MACROD2: variants seen among roughly 807,000 people sequenced by gnomAD.
MACROD2 encodes the protein mono-ADP ribosylhydrolase 2.
Under a neutral mutation model 70.4 loss-of-function variants are expected in MACROD2, and 36 were observed. The observed-to-expected ratio is 0.51, with a 90% CI of 0.39 to 0.68. The LOEUF (loss-of-function observed/expected upper bound fraction) is 0.68, where lower values mean the gene tolerates loss of function less well. Ranked by LOEUF, MACROD2 falls within the 30% of genes least tolerant of loss-of-function variation. The probability of loss-of-function intolerance (pLI) is 0.00; values close to 1 mark genes in which losing one functional copy is unlikely to be tolerated. For synonymous variants in MACROD2, 172 were observed against 178.8 expected (o/e 0.96, Z 0.30); for missense variants, 496 against 538.4 (o/e 0.92, Z 0.78).
rs530013573 is a variant in MACROD2 at position 14,438,728 on chromosome 20, C to T, written c.272-54751C>T. On this transcript the variant is annotated intron_variant, in intron 3 of 17. Transcript: ENST00000684519. Reference sequence around the variant, plus strand: ...TGTCATCTTTGGAGAAATGCATATTCAAGTTCTTCGCCCATTTTAAAATTG... The same window carrying T: ...TGTCATCTTTGGAGAAATGCATATTTAAGTTCTTCGCCCATTTTAAAATTG... 2.0e-5 allele frequency among the ~76,000 whole-genome samples: 3 copies of T among 152,252 alleles called. No homozygotes were observed. The East Asian group carries it at 5.8e-4, about 29-fold the overall frequency.
At chr20:14,448,570 A>C (rs1173225057) in intron 3 of MACROD2, among the ~76,000 whole-genome samples, 1 of 151,846 alleles carries the variant, frequency 6.6e-6, no homozygotes, top group Non-Finnish European at 1.5e-5. Flanking sequence ...CCAGCTACTC[A>C]GGAGGCTGAT....
At chr20:14,340,997 C>G (rs572978255) in intron 3 of MACROD2, among the ~76,000 whole-genome samples, 8 of 152,244 alleles carry the variant, frequency 5.3e-5, no homozygotes, top group African/African-American at 1.9e-4. Context: ...CACACAGAAG[C>G]CTCAAATCTG....
chr20:14,324,065 A>C (rs1391172782), intron 3 of MACROD2: 1 of 152,538 alleles, frequency 6.6e-6, no homozygotes, highest in Non-Finnish European at 1.5e-5. Context: ...TTTAGGACTA[A>C]TGTGCTGGGC....
At chr20:15,695,055 C>T (rs2050347622) in intron 8 of MACROD2, among the ~76,000 whole-genome samples, 1 of 152,174 alleles carries the variant, frequency 6.6e-6, no homozygotes, top group African/African-American at 2.4e-5. Context: ...TATGGGTTCT[C>T]TATTCCGTTC....
At chr20:16,017,620 T>A (rs765109423) in intron 15 of MACROD2, among the ~76,000 whole-genome samples, 4 of 152,182 alleles carry the variant, frequency 2.6e-5, no homozygotes, top group Non-Finnish European at 4.4e-5. Context: ...TCTTTTCACC[T>A]CCTTGAATAA....
At chr20:14,617,827 C>T (rs1483571087) in intron 4 of MACROD2, among the ~76,000 whole-genome samples, 5 of 152,056 alleles carry the variant, frequency 3.3e-5, no homozygotes, top group Non-Finnish European at 5.9e-5. Context: ...TTAGAGAGCA[C>T]CTTTTCCAAA....
chr20:16,018,710 T>C (rs1342274849), intron 15 of MACROD2, among the ~76,000 whole-genome samples: 1 of 152,186 alleles, frequency 6.6e-6, no homozygotes, highest in Non-Finnish European at 1.5e-5. Flanking sequence ...CTCAATTATT[T>C]CCAGTTTTCC....
chr20:15,067,314 A>C, intron 5 of MACROD2, among the ~76,000 whole-genome samples: 1 of 152,034 alleles, frequency 6.6e-6, no homozygotes, highest in Non-Finnish European at 1.5e-5. Context: ...AAAATAATTG[A>C]TTTTGATATT....
At chr20:14,223,294 G>A (rs909475159) in intron 3 of MACROD2, 1 of 152,174 alleles carries the variant, frequency 6.6e-6, no homozygotes, top group African/African-American at 2.4e-5. Flanking sequence ...ACAGTCTTGA[G>A]GAATCACACA....
At chr20:15,863,659 C>T (rs371161216) in intron 9 of MACROD2, among the ~76,000 whole-genome samples, 5 of 152,266 alleles carry the variant, frequency 3.3e-5, no homozygotes, top group East Asian at 1.9e-4. Flanking sequence ...TTTCTGTCTC[C>T]GTCTGAAGTA....
rs555477275 is a variant in MACROD2, at chr20:15,289,686, G to A, written c.540+59625G>A. On this transcript the variant is annotated intron_variant, in intron 6 of 17. Coordinates refer to ENST00000684519, the MANE Select transcript of MACROD2 (RefSeq NM_001351661.2). ...TCTGTGAGATTGGTGATATTGATCA[G>A]ATGAATAATATATATCAAATGTGTA... is the stretch of plus-strand genomic sequence containing the variant. Among the ~76,000 whole-genome samples the A allele has an allele frequency of 8.5e-5, 13 of 152,268 alleles. No individual in the cohort carries two copies. In the South Asian group the frequency reaches 2.7e-3, roughly 32 times the overall value.
intron 4 of MACROD2, among the ~76,000 whole-genome samples, chr20:14,673,821 G>T (rs533179214): frequency 6.6e-6 from 1 of 151,456 alleles, no homozygotes; most frequent in East Asian, 2.0e-4. Flanking sequence ...TCGGGAGGCT[G>T]AGGCAGGAGA....
chr20:14,085,550 T>C, intron 2 of MACROD2, 71 bp from the exon 3 acceptor site: 1 of 891,770 alleles, frequency 1.1e-6, no homozygotes, highest in Non-Finnish European at 1.6e-6. Flanking sequence ...GTAGTAGTCT[T>C]GAGTAAAAAA....
intron 6 of MACROD2, among the ~76,000 whole-genome samples, chr20:15,332,805 T>G (rs2078007069): frequency 6.6e-6 from 1 of 151,662 alleles, no homozygotes; most frequent in South Asian, 2.1e-4. Flanking sequence ...CCTTTTCTGT[T>G]GGGGATAGAA....
intron 4 of MACROD2, among the ~76,000 whole-genome samples, chr20:14,543,099 C>A (rs1276084129): frequency 6.6e-6 from 1 of 152,102 alleles, no homozygotes; most frequent in Non-Finnish European, 1.5e-5. Flanking sequence ...CTGTCCTATA[C>A]AATGATCACC....
intron 3 of MACROD2, among the ~76,000 whole-genome samples, chr20:14,485,650 G>A (rs1340756437): frequency 9.7e-6 from 1 of 103,586 alleles, no homozygotes; most frequent in African/African-American, 3.8e-5. Flanking sequence ...GCAGTGAGCC[G>A]AGATCGTGCC....
At position 16,049,921 on chromosome 20, in the gene MACROD2, G is replaced by T; in HGVS notation, c.*45G>T. 1.5e-6 allele frequency: 2 copies of T among 1,302,824 alleles called. No individual in the cohort carries two copies. Among genetic ancestry groups the T allele is most frequent in the South Asian group, 2.4e-5 (2 of 83,638 alleles). The allele number at this position is 1,302,824 out of a possible 1,614,324, so 80.7% of individuals were successfully genotyped here. On this transcript the variant is annotated 3_prime_UTR_variant, in exon 18 of 18. Transcript: ENST00000684519. ...GCCTCTCCTGGCTCTGGGGGAGCTCGGGAAGATAGCAGCACACGCTGTGGA... is the reference window on the plus strand; with the variant it reads ...GCCTCTCCTGGCTCTGGGGGAGCTCTGGAAGATAGCAGCACACGCTGTGGA...
chr20:15,978,794 T>C (rs771094548), intron 13 of MACROD2, among the ~76,000 whole-genome samples: 1 of 152,168 alleles, frequency 6.6e-6, no homozygotes, highest in East Asian at 1.9e-4. Flanking sequence ...AGACAGATGA[T>C]ATATCCCTAA....
chr20:15,149,672 C>T (rs1417111195), intron 5 of MACROD2, among the ~76,000 whole-genome samples: 2 of 151,984 alleles, frequency 1.3e-5, no homozygotes, highest in Admixed American at 1.3e-4. Flanking sequence ...TTAAGGGCCT[C>T]TAAAAGTATT....
Sources: gnomAD v4.1 joint callset for allele counts (sites outside exome capture counted in the v4.1 genomes callset) on GRCh38, gnomAD v4.1.1 for gene constraint, MANE v1.5 for transcripts, NCBI Gene and HGNC (gene_info 2026-07-23, HGNC 2026-07-21) for gene names.